SGMS1: variants seen among roughly 807,000 people sequenced by gnomAD.
The protein encoded by SGMS1 is sphingomyelin synthase 1, also known as phosphatidylcholine:ceramide cholinephosphotransferase 1.
A neutral mutation model predicts 46.2 loss-of-function variants in SGMS1; 13 were observed. The ratio of observed to expected loss-of-function variants is 0.28; its 90% confidence interval spans 0.18 to 0.45. The LOEUF (loss-of-function observed/expected upper bound fraction) is 0.45, where lower values mean the gene tolerates loss of function less well. Ranked by LOEUF, SGMS1 falls within the 20% of genes least tolerant of loss-of-function variation. The probability of loss-of-function intolerance (pLI) is 1.00; values close to 1 mark genes in which losing one functional copy is unlikely to be tolerated. For missense variants in SGMS1, 324 were observed against 519.9 expected (o/e 0.62, Z 3.66); for synonymous variants, 203 against 187.8 (o/e 1.08, Z -0.66).
chr10:50,434,229 C>A (rs1849444131), intron 5 of SGMS1, among the ~76,000 whole-genome samples: 1 of 152,168 alleles, frequency 6.6e-6, no homozygotes, highest in African/African-American at 2.4e-5. Flanking sequence ...CATTTCTTAG[C>A]ATTTTAGAAT....
At chr10:50,425,020 A>G (rs1265447304) in intron 6 of SGMS1, among the ~76,000 whole-genome samples, 3 of 152,148 alleles carry the variant, frequency 2.0e-5, no homozygotes, top group Non-Finnish European at 4.4e-5. Flanking sequence ...CAAAACCACA[A>G]TGAGATACCA....
intron 6 of SGMS1, among the ~76,000 whole-genome samples, chr10:50,375,108 G>A (rs1166037709): frequency 2.6e-5 from 4 of 151,928 alleles, no homozygotes; most frequent in Middle Eastern, 3.2e-3. Context: ...AGGGAGCCTG[G>A]GCAACCAAGC....
intron 2 of SGMS1, among the ~76,000 whole-genome samples, chr10:50,574,963 G>GTATATATATATATATGTGTA (rs1554793449): frequency 5.0e-5 from 5 of 99,872 alleles, no homozygotes; most frequent in South Asian, 4.0e-4. Flanking sequence ...AAAATGTGGT[G>GTATATATATATATATGTGTA]TATATATATA....
In SGMS1 at chr10:50,309,558, C is replaced by G. The variant is rs1028982355; in HGVS notation, c.896-1410G>C. Among the ~76,000 whole-genome samples, 7 of 152,300 alleles carry G rather than the reference C, an allele frequency of 4.6e-5. No homozygotes were observed. The South Asian group carries it at 6.2e-4, about 14-fold the overall frequency. On this transcript the variant is annotated intron_variant, in intron 9 of 10. Transcript: ENST00000361781. ...CAGCAGGAGCCAGGAATCCCTCCCCCAGGGGTGCTGACATCTGGCCTATGT... is the reference window on the plus strand; with the variant it reads ...CAGCAGGAGCCAGGAATCCCTCCCCGAGGGGTGCTGACATCTGGCCTATGT...
intron 8 of SGMS1, among the ~76,000 whole-genome samples, chr10:50,317,009 C>T (rs1295595869): frequency 6.6e-6 from 1 of 152,182 alleles, no homozygotes; most frequent in East Asian, 1.9e-4. Flanking sequence ...TTTTTCAATG[C>T]TAACACCATG....
intron 1 of SGMS1, among the ~76,000 whole-genome samples, chr10:50,619,471 C>G (rs1838827609): frequency 6.6e-6 from 1 of 152,184 alleles, no homozygotes; most frequent in South Asian, 2.1e-4. Context: ...ACATCTTTAA[C>G]AAAATACATA....
intron 2 of SGMS1, among the ~76,000 whole-genome samples, chr10:50,527,760 C>A (rs1294730294): frequency 1.3e-5 from 2 of 152,010 alleles, no homozygotes; most frequent in African/African-American, 4.8e-5. Context: ...GAAAGTCATC[C>A]AAAAAACACT....
intron 2 of SGMS1, among the ~76,000 whole-genome samples, chr10:50,538,983 G>T (rs1290301105): frequency 2.6e-5 from 4 of 152,214 alleles, no homozygotes; most frequent in Admixed American, 2.6e-4. Flanking sequence ...ACCGAACTCG[G>T]TGAGCAGCAC....
chr10:50,621,765 AT>A (rs1224286771), intron 1 of SGMS1, among the ~76,000 whole-genome samples: 1 of 152,224 alleles, frequency 6.6e-6, no homozygotes, highest in Non-Finnish European at 1.5e-5. Flanking sequence ...AAAAACATAA[AT>A]TTCTATTCTG....
chr10:50,437,182 A>G (rs1849484937), intron 5 of SGMS1, among the ~76,000 whole-genome samples: 1 of 152,220 alleles, frequency 6.6e-6, no homozygotes, highest in African/African-American at 2.4e-5. Context: ...TACTAGGGTG[A>G]AGCCACAAAA....
At chr10:50,336,114 TC>T (rs1209230457) in intron 7 of SGMS1, 1 of 151,424 alleles carries the variant, frequency 6.6e-6, no homozygotes, top group Non-Finnish European at 1.5e-5. Flanking sequence ...CCTTCCCCAC[TC>T]CAAAAAAACT....
At chr10:50,528,933 A>G (rs976375280) in intron 2 of SGMS1, among the ~76,000 whole-genome samples, 1 of 152,244 alleles carries the variant, frequency 6.6e-6, no homozygotes, top group Non-Finnish European at 1.5e-5. Flanking sequence ...TCCATCATCC[A>G]GTTCAGTCAG....
At chr10:50,455,566 C>A (rs915955769) in intron 5 of SGMS1, among the ~76,000 whole-genome samples, 2 of 152,182 alleles carry the variant, frequency 1.3e-5, no homozygotes, top group African/African-American at 4.8e-5. Flanking sequence ...TTAAAAATAT[C>A]TTTGGAGAAA....
chr10:50,422,072 C>T (rs1053187945), intron 6 of SGMS1, among the ~76,000 whole-genome samples: 3 of 152,152 alleles, frequency 2.0e-5, no homozygotes, highest in Non-Finnish European at 4.4e-5. Flanking sequence ...TGGGGAATCT[C>T]TCCTCTCCTC....
At chr10:50,366,959 A>T (rs985667245) in intron 6 of SGMS1, among the ~76,000 whole-genome samples, 2 of 152,178 alleles carry the variant, frequency 1.3e-5, no homozygotes, top group African/African-American at 2.4e-5. Context: ...TATAATTTTT[A>T]AAAAAGTGGG....
chr10:50,466,745 T>C (rs765982207), intron 4 of SGMS1, 145 bp downstream of exon 4: 3 of 152,182 alleles, frequency 2.0e-5, no homozygotes, highest in South Asian at 2.1e-4. Context: ...TGGTAATATG[T>C]ATTTGACTAT....
chr10:50,539,032 G>T (rs1335507270), intron 2 of SGMS1, among the ~76,000 whole-genome samples: 3 of 152,220 alleles, frequency 2.0e-5, no homozygotes, highest in African/African-American at 7.2e-5. Context: ...TAAAACACAG[G>T]TATTGTTCCT....
upstream of SGMS1, chr10:50,624,697 G>A (rs1178960016): frequency 1.0e-6 from 1 of 985,430 alleles, no homozygotes. Context: ...CCCACGTGGT[G>A]CAAGTCGCCT....
At chr10:50,568,577 TG>T (rs1488797711) in intron 2 of SGMS1, among the ~76,000 whole-genome samples, 2 of 152,156 alleles carry the variant, frequency 1.3e-5, no homozygotes, top group Admixed American at 6.5e-5. Flanking sequence ...CTGTGGCTTG[TG>T]CCTATAGTTC....
Sources: gnomAD v4.1 joint callset for allele counts (sites outside exome capture counted in the v4.1 genomes callset) on GRCh38, gnomAD v4.1.1 for gene constraint, MANE v1.5 for transcripts, NCBI Gene and HGNC (gene_info 2026-07-23, HGNC 2026-07-21) for gene names.